The following LUZP2 variants were observed in gnomAD, a reference collection of about 807,000 sequenced individuals.
LUZP2 encodes the protein leucine zipper protein 2.
In LUZP2, 52 loss-of-function variants were observed where a neutral mutation model predicts 51.6. The observed-to-expected ratio is 1.01, with a 90% CI of 0.81 to 1.27. The LOEUF (loss-of-function observed/expected upper bound fraction) is 1.27, where lower values mean the gene tolerates loss of function less well. LUZP2 is among the 50% of genes most tolerant of loss of function. The pLI is 0.00. For synonymous variants in LUZP2, 154 were observed against 137.3 expected, an observed-to-expected ratio of 1.12 and a Z score of -0.85; for missense variants, 436 against 395.4, an observed-to-expected ratio of 1.10 and a Z score of -0.87.
At chr11:24,596,670 C>T (rs768785213) in intron 1 of LUZP2, among the ~76,000 whole-genome samples, 4 of 152,042 alleles carry the variant, frequency 2.6e-5, no homozygotes, top group South Asian at 2.1e-4. Flanking sequence ...GTAAGCAATA[C>T]GTTCTAATTC....
At chr11:24,896,495 C>A (rs558859880) in intron 5 of LUZP2, among the ~76,000 whole-genome samples, 9 of 152,262 alleles carry the variant, frequency 5.9e-5, no homozygotes, top group African/African-American at 2.2e-4. Flanking sequence ...ATGCTGCGCT[C>A]AAATTCTCGC....
chr11:25,045,268 A>T (rs372000855), intron 9 of LUZP2, among the ~76,000 whole-genome samples: 44 of 152,114 alleles, frequency 2.9e-4, no homozygotes, highest in African/African-American at 9.9e-4. Flanking sequence ...AGCAAAATTA[A>T]GTGGAATAGC....
At chr11:24,768,581 A>C (rs1171074041) in intron 5 of LUZP2, among the ~76,000 whole-genome samples, 1 of 151,956 alleles carries the variant, frequency 6.6e-6, no homozygotes, top group African/African-American at 2.4e-5. Context: ...AATCTGATAA[A>C]ATGGACAAAA....
intron 9 of LUZP2, among the ~76,000 whole-genome samples, chr11:25,035,067 C>A (rs1431616420): frequency 6.6e-6 from 1 of 151,918 alleles, no homozygotes; most frequent in African/African-American, 2.4e-5. Context: ...TTGACAAATC[C>A]AAAACAACAT....
rs1186928382 is a variant in LUZP2, at chr11:25,082,215, G to T, written c.*3557G>T. On this transcript the variant is annotated 3_prime_UTR_variant, in exon 12 of 12. Transcript: ENST00000336930. ...TGTTTAGCATCATAGTGCTGTTTCA[G>T]ATACAGATCTGTTTCATCAAATATC... 1 of 152,530 alleles carries T rather than the reference G, an allele frequency of 6.6e-6. No homozygotes were observed. The highest frequency in any genetic ancestry group is 2.4e-5 in the African/African-American group (1 of 41,426). The allele number at this position is 152,530 out of a possible 1,614,324, so 9.4% of individuals were successfully genotyped here.
At chr11:24,530,789 G>A (rs1472589715) in intron 1 of LUZP2, among the ~76,000 whole-genome samples, 2 of 98,758 alleles carry the variant, frequency 2.0e-5, no homozygotes, top group Middle Eastern at 0.012. Context: ...TTTTTTTGGT[G>A]GGGTTTAGGG....
chr11:25,045,902 T>C (rs1309472073), intron 9 of LUZP2, among the ~76,000 whole-genome samples: 1 of 152,172 alleles, frequency 6.6e-6, no homozygotes. Flanking sequence ...GGAGATTTCT[T>C]GGTTGACCAT....
chr11:24,936,964 G>C (rs1276793456), intron 7 of LUZP2, among the ~76,000 whole-genome samples: 2 of 151,766 alleles, frequency 1.3e-5, no homozygotes, highest in African/African-American at 4.8e-5. Context: ...TACCTATATG[G>C]TATATATATT....
At chr11:24,821,153 G>A (rs1212976458) in intron 5 of LUZP2, among the ~76,000 whole-genome samples, 2 of 152,076 alleles carry the variant, frequency 1.3e-5, no homozygotes, top group East Asian at 3.9e-4. Flanking sequence ...ACAGCATATA[G>A]TTTGCTTTAT....
chr11:24,747,642 A>G (rs1859428706), intron 4 of LUZP2, among the ~76,000 whole-genome samples: 2 of 152,066 alleles, frequency 1.3e-5, no homozygotes, highest in Admixed American at 1.3e-4. Context: ...TTCCACTACC[A>G]GGCTACCAGG....
intron 1 of LUZP2, among the ~76,000 whole-genome samples, chr11:24,535,387 A>G (rs1851146414): frequency 6.6e-6 from 1 of 151,608 alleles, no homozygotes; most frequent in South Asian, 2.1e-4. Flanking sequence ...TACCCATAGT[A>G]AAGCCTCTTT....
intron 5 of LUZP2, among the ~76,000 whole-genome samples, chr11:24,876,777 G>T (rs1352498168): frequency 3.3e-5 from 5 of 150,334 alleles, no homozygotes; most frequent in Non-Finnish European, 5.9e-5. Flanking sequence ...ATTTCATTGA[G>T]AAGTGGTTTG....
chr11:24,514,707 G>T (rs1297444819), intron 1 of LUZP2, among the ~76,000 whole-genome samples: 2 of 152,110 alleles, frequency 1.3e-5, no homozygotes, highest in African/African-American at 2.4e-5. Flanking sequence ...GAGAAAAGAA[G>T]GTTATGACAA....
At chr11:25,050,742 A>G (rs1858483963) in intron 10 of LUZP2, among the ~76,000 whole-genome samples, 1 of 152,226 alleles carries the variant, frequency 6.6e-6, no homozygotes, top group Admixed American at 6.5e-5. Context: ...TCCCACAGCT[A>G]CATGAAAGAA....
intron 1 of LUZP2, among the ~76,000 whole-genome samples, chr11:24,698,016 C>A (rs1229545165): frequency 6.6e-6 from 1 of 152,140 alleles, no homozygotes; most frequent in Admixed American, 6.6e-5. Context: ...CAGGAACACT[C>A]ATTCCCTAGA....
intron 1 of LUZP2, among the ~76,000 whole-genome samples, chr11:24,555,080 G>C (rs2133756793): frequency 1.0e-5 from 1 of 97,236 alleles, no homozygotes; most frequent in Non-Finnish European, 2.3e-5. Context: ...TGTTTGTAAG[G>C]CTGATAACCC....
intron 1 of LUZP2, among the ~76,000 whole-genome samples, chr11:24,626,004 G>T (rs1854667316): frequency 6.6e-6 from 1 of 152,054 alleles, no homozygotes; most frequent in Admixed American, 6.6e-5. Flanking sequence ...TAATATAAGG[G>T]CTGCCACTTA....
intron 9 of LUZP2, among the ~76,000 whole-genome samples, chr11:24,983,864 C>A (rs1003688569): frequency 2.0e-5 from 3 of 148,008 alleles, no homozygotes; most frequent in Non-Finnish European, 4.5e-5. Flanking sequence ...TTTTCAAAGT[C>A]CCAGGGGATT....
chr11:24,803,238 T>A (rs1324283107), intron 5 of LUZP2, among the ~76,000 whole-genome samples: 1 of 152,000 alleles, frequency 6.6e-6, no homozygotes, highest in Non-Finnish European at 1.5e-5. Context: ...ATAAGACATA[T>A]AATGGCTAAG....
Sources: allele counts gnomAD v4.1 joint callset (sites outside exome capture counted in the v4.1 genomes callset), GRCh38; gene constraint gnomAD v4.1.1; transcripts MANE v1.5; gene names NCBI Gene and HGNC (gene_info 2026-07-23, HGNC 2026-07-21).